The following COMMD1 variants were observed in gnomAD, a reference collection of about 807,000 sequenced individuals.
COMMD1 encodes copper metabolism domain containing 1, also known as COMM domain-containing protein 1.
In COMMD1, 10 loss-of-function variants were observed where a neutral mutation model predicts 17.2. The observed-to-expected ratio is 0.58, with a 90% CI of 0.36 to 0.99. The LOEUF is 0.99. Among genes scored for constraint, COMMD1 ranks in the 50% least tolerant of loss-of-function variants. The pLI is 0.01. For synonymous variants in COMMD1, 97 were observed against 91.6 expected (o/e 1.06, Z -0.34); for missense variants, 270 against 231.8 (o/e 1.17, Z -1.07).
At chr2:61,941,150 C>T (rs2103636776) in intron 1 of COMMD1, among the ~76,000 whole-genome samples, 1 of 152,196 alleles carries the variant, frequency 6.6e-6, no homozygotes, top group East Asian at 1.9e-4. Flanking sequence ...GCCTCAGCCT[C>T]TCAAGTAGCT....
At chr2:61,970,366 C>A (rs1427942655) in intron 1 of COMMD1, among the ~76,000 whole-genome samples, 2 of 151,910 alleles carry the variant, frequency 1.3e-5, no homozygotes, top group Admixed American at 1.3e-4. Context: ...CCTTGGTGTC[C>A]ATGGGGAATT....
intron 2 of COMMD1, 91 bp downstream of exon 2, chr2:62,001,073 G>C: frequency 8.2e-7 from 1 of 1,219,232 alleles, no homozygotes; most frequent in Non-Finnish European, 1.2e-6. Context: ...TGCAATAACA[G>C]CAACAGGAAA....
At chr2:62,005,239 T>G (rs1296087210) in intron 2 of COMMD1, among the ~76,000 whole-genome samples, 2 of 152,200 alleles carry the variant, frequency 1.3e-5, no homozygotes, top group African/African-American at 4.8e-5. Context: ...TTAATAGAAC[T>G]TGGTATCATA....
chr2:61,997,229 T>C (rs1397918015), intron 1 of COMMD1, among the ~76,000 whole-genome samples: 1 of 152,002 alleles, frequency 6.6e-6, no homozygotes, highest in Non-Finnish European at 1.5e-5. Context: ...TTGGCTAGTT[T>C]TTTTGTATTT....
intron 2 of COMMD1, among the ~76,000 whole-genome samples, chr2:62,119,446 C>T (rs1157502214): frequency 6.6e-6 from 1 of 152,100 alleles, no homozygotes; most frequent in Non-Finnish European, 1.5e-5. Context: ...TAAAATTAAT[C>T]CTCACAACCC....
chr2:61,920,305 G>T (rs970519126), intron 1 of COMMD1, among the ~76,000 whole-genome samples: 17 of 151,890 alleles, frequency 1.1e-4, no homozygotes, highest in African/African-American at 3.9e-4. Flanking sequence ...TTACAATGAA[G>T]TTGGATACTA....
chr2:62,063,953 A>G (rs1156635946), intron 2 of COMMD1, among the ~76,000 whole-genome samples: 2 of 142,264 alleles, frequency 1.4e-5, no homozygotes, highest in African/African-American at 2.6e-5. Flanking sequence ...AGGCTGAGGT[A>G]GGACAATCAT....
intron 2 of COMMD1, among the ~76,000 whole-genome samples, chr2:62,096,350 T>C (rs1339104486): frequency 6.6e-6 from 1 of 152,234 alleles, no homozygotes. Flanking sequence ...TGAATTTCAC[T>C]ACATTTTAGA....
At chr2:62,015,280 T>G (rs1669405741) in intron 2 of COMMD1, among the ~76,000 whole-genome samples, 1 of 152,226 alleles carries the variant, frequency 6.6e-6, no homozygotes, top group Non-Finnish European at 1.5e-5. Flanking sequence ...ACACAATATT[T>G]GTCCTTTTGT....
chr2:61,982,427 CA>C (rs1273180762), intron 1 of COMMD1, among the ~76,000 whole-genome samples: 1 of 152,008 alleles, frequency 6.6e-6, no homozygotes, highest in African/African-American at 2.4e-5. Context: ...ATATCATCTG[CA>C]AAAAAGAACA....
At chr2:62,097,063 A>G (rs576420461) in intron 2 of COMMD1, among the ~76,000 whole-genome samples, 2 of 152,378 alleles carry the variant, frequency 1.3e-5, no homozygotes, top group South Asian at 2.1e-4. Context: ...AGAATGCACT[A>G]CATAAATCAG....
At chr2:61,968,224 T>C (rs908088275) in intron 1 of COMMD1, among the ~76,000 whole-genome samples, 3 of 151,980 alleles carry the variant, frequency 2.0e-5, no homozygotes, top group Non-Finnish European at 4.4e-5. Flanking sequence ...AAAATAAAAT[T>C]TAAGAGATTT....
intron 2 of COMMD1, among the ~76,000 whole-genome samples, chr2:62,074,585 A>G (rs1481859157): frequency 6.6e-6 from 1 of 152,242 alleles, no homozygotes; most frequent in African/African-American, 2.4e-5. Context: ...GCTAAACAGT[A>G]TGCAGGGTTT....
At chr2:61,974,749 G>A (rs6757094) in intron 1 of COMMD1, among the ~76,000 whole-genome samples, 8 of 151,528 alleles carry the variant, frequency 5.3e-5, no homozygotes, top group African/African-American at 9.7e-5. Context: ...AAAAACTGAA[G>A]GGAAAATACA....
At chr2:61,928,634 A>G (rs999066453) in intron 1 of COMMD1, 5 of 152,206 alleles carry the variant, frequency 3.3e-5, no homozygotes, top group African/African-American at 4.8e-5. Flanking sequence ...AGGGTGGTCA[A>G]GTGAAGCAGT....
intron 2 of COMMD1, among the ~76,000 whole-genome samples, chr2:62,021,969 A>G (rs1456110844): frequency 2.3e-5 from 3 of 131,442 alleles, no homozygotes; most frequent in African/African-American, 8.8e-5. Context: ...TTTGATGTAC[A>G]AAGGTTTTTA....
chr2:62,000,859 C>T lies in COMMD1; in HGVS notation c.339C>T (p.Ser113=), dbSNP rs1668917512. The change falls in exon 2 of 3, where the codon AGC becomes AGT. Residue 113 remains serine, a synonymous_variant. Transcript: ENST00000311832. ...TKIRESLMNQ[S]RWNSGLRGLS... ...TCCGTGAGAGCCTCATGAACCAGAG[C>T]CGCTGGAATAGCGGGCTTCGGGGCC... 1 of 1,614,164 alleles carries T rather than the reference C, an allele frequency of 6.2e-7. No individual in the cohort carries two copies. The highest frequency in any genetic ancestry group is 1.1e-5 in the South Asian group (1 of 91,082).
At chr2:62,012,546 G>T (rs1169630181) in intron 2 of COMMD1, among the ~76,000 whole-genome samples, 1 of 151,792 alleles carries the variant, frequency 6.6e-6, no homozygotes, top group African/African-American at 2.4e-5. Flanking sequence ...TTGAACTCCC[G>T]ACCTCAGTTG....
At chr2:62,115,856 C>CTTTTT (rs1553393462) in intron 2 of COMMD1, among the ~76,000 whole-genome samples, 1 of 50,332 alleles carries the variant, frequency 2.0e-5, no homozygotes, top group Non-Finnish European at 3.8e-5. Context: ...TTCTTTCTTT[C>CTTTTT]TTTCTTTTTT....
Sources: gnomAD v4.1 joint callset for allele counts (sites outside exome capture counted in the v4.1 genomes callset) on GRCh38, gnomAD v4.1.1 for gene constraint, MANE v1.5 for transcripts, NCBI Gene and HGNC (gene_info 2026-07-23, HGNC 2026-07-21) for gene names.